The following ZNF704 variants were observed in gnomAD, a reference collection of about 807,000 sequenced individuals.
ZNF704 encodes zinc finger protein 704.
ZNF704 carries 10 observed loss-of-function variants against 44.7 expected under a neutral mutation model. That is an observed-to-expected ratio of 0.22 (90% CI 0.14 to 0.38). The LOEUF (loss-of-function observed/expected upper bound fraction) is 0.38, where lower values mean the gene tolerates loss of function less well. ZNF704 is among the 10% of genes least tolerant of loss of function. The pLI, the probability that ZNF704 is intolerant of heterozygous loss-of-function variation, is 1.00. For synonymous variants in ZNF704, 211 were observed against 207.6 expected (o/e 1.02, Z -0.14); for missense variants, 390 against 545.5 (o/e 0.71, Z 2.84).
intron 2 of ZNF704, among the ~76,000 whole-genome samples, chr8:80,723,076 G>A (rs141443947): frequency 2.8e-4 from 42 of 152,284 alleles, no homozygotes; most frequent in Middle Eastern, 3.4e-3. Flanking sequence ...ACATGCTCTT[G>A]TGAAACCAGT....
chr8:80,741,638 C>T (rs1028496025), intron 2 of ZNF704, among the ~76,000 whole-genome samples: 7 of 152,202 alleles, frequency 4.6e-5, no homozygotes, highest in African/African-American at 1.7e-4. Flanking sequence ...GCCAGTGCTG[C>T]GACTGCGCAC....
chr8:80,798,950 A>G (rs1323911495), intron 2 of ZNF704, among the ~76,000 whole-genome samples: 1 of 152,196 alleles, frequency 6.6e-6, no homozygotes, highest in Admixed American at 6.5e-5. Flanking sequence ...CAGAGTCCCA[A>G]AGTGGCTCAT....
chr8:80,694,004 C>T (rs180908040), intron 2 of ZNF704, among the ~76,000 whole-genome samples: 74 of 152,134 alleles, frequency 4.9e-4, no homozygotes, highest in African/African-American at 1.7e-3. Context: ...GGGACAGTGG[C>T]AGGAGACCCA....
chr8:80,794,782 T>C (rs1807769709), intron 2 of ZNF704, among the ~76,000 whole-genome samples: 1 of 152,160 alleles, frequency 6.6e-6, no homozygotes, highest in Non-Finnish European at 1.5e-5. Flanking sequence ...AAGTGAACCA[T>C]TGATGGTAAA....
At chr8:80,753,321 G>A (rs1207655165) in intron 2 of ZNF704, among the ~76,000 whole-genome samples, 1 of 152,172 alleles carries the variant, frequency 6.6e-6, no homozygotes, top group Non-Finnish European at 1.5e-5. Flanking sequence ...TGCTGGAGGA[G>A]GGCAAGGAAT....
chr8:80,668,771 C>T (rs1409644139), intron 5 of ZNF704, among the ~76,000 whole-genome samples: 1 of 152,184 alleles, frequency 6.6e-6, no homozygotes, highest in Non-Finnish European at 1.5e-5. Context: ...CCTCCTCATC[C>T]CCTCACCAGC....
At chr8:80,743,312 C>CATCACAA (rs1382781423) in intron 2 of ZNF704, among the ~76,000 whole-genome samples, 1 of 150,246 alleles carries the variant, frequency 6.7e-6, no homozygotes, top group Non-Finnish European at 1.5e-5. Flanking sequence ...AGGGGTTATT[C>CATCACAA]ATCACAACAA....
chr8:80,743,588 A>G (rs2131696552), intron 2 of ZNF704, among the ~76,000 whole-genome samples: 1 of 152,314 alleles, frequency 6.6e-6, no homozygotes, highest in Non-Finnish European at 1.5e-5. Context: ...CGCTCGGCAC[A>G]CCCTCCATTC....
intron 2 of ZNF704, among the ~76,000 whole-genome samples, chr8:80,749,055 G>A (rs1028916148): frequency 6.6e-6 from 1 of 152,184 alleles, no homozygotes; most frequent in Non-Finnish European, 1.5e-5. Flanking sequence ...GAGGTGTGAT[G>A]TGAGTTCAGC....
intron 2 of ZNF704, among the ~76,000 whole-genome samples, chr8:80,782,519 T>C (rs1474900229): frequency 1.3e-5 from 2 of 152,154 alleles, no homozygotes; most frequent in African/African-American, 2.4e-5. Context: ...TCCAGATGAA[T>C]ACAAGAGTCC....
chr8:80,667,702 G>GTGAATGAA (rs749582199), intron 5 of ZNF704, among the ~76,000 whole-genome samples: 1 of 152,218 alleles, frequency 6.6e-6, no homozygotes, highest in Non-Finnish European at 1.5e-5. Flanking sequence ...GAATGAATGA[G>GTGAATGAA]TGAATGAATG....
At chr8:80,850,231 T>C (rs960845588) in intron 1 of ZNF704, among the ~76,000 whole-genome samples, 11 of 152,212 alleles carry the variant, frequency 7.2e-5, no homozygotes, top group Non-Finnish European at 1.3e-4. Context: ...CAGAAACTTG[T>C]CTTTTTTTGT....
chr8:80,680,478 G>A (rs543514976), intron 4 of ZNF704, among the ~76,000 whole-genome samples: 1 of 151,960 alleles, frequency 6.6e-6, no homozygotes, highest in South Asian at 2.1e-4. Context: ...GACGGACAGA[G>A]AGGGCCAAGT....
chr8:80,662,091 A>C (rs1218688567), intron 6 of ZNF704, among the ~76,000 whole-genome samples: 1 of 152,174 alleles, frequency 6.6e-6, no homozygotes, highest in Non-Finnish European at 1.5e-5. Context: ...TCAATTTTTA[A>C]AATACTGTTG....
At chr8:80,705,173 T>G (rs1199686152) in intron 2 of ZNF704, among the ~76,000 whole-genome samples, 1 of 152,106 alleles carries the variant, frequency 6.6e-6, no homozygotes, top group African/African-American at 2.4e-5. Flanking sequence ...ACCCCTGAAT[T>G]CTCAAGAGCT....
chr8:80,651,956 T>A (rs1435149894), intron 7 of ZNF704, among the ~76,000 whole-genome samples: 1 of 151,880 alleles, frequency 6.6e-6, no homozygotes, highest in Non-Finnish European at 1.5e-5. Context: ...ACAGAAATTA[T>A]AACAAACTGT....
intron 2 of ZNF704, among the ~76,000 whole-genome samples, chr8:80,757,472 A>G (rs977359937): frequency 3.3e-5 from 5 of 152,136 alleles, no homozygotes; most frequent in African/African-American, 1.2e-4. Context: ...AAAAAACCTT[A>G]AATGTTTATA....
intron 2 of ZNF704, among the ~76,000 whole-genome samples, chr8:80,786,729 G>A (rs764668620): frequency 2.0e-5 from 3 of 152,138 alleles, no homozygotes; most frequent in Non-Finnish European, 4.4e-5. Flanking sequence ...AATCACCAAT[G>A]GCTTGTCCTG....
intron 2 of ZNF704, among the ~76,000 whole-genome samples, chr8:80,760,968 C>T (rs138331652): frequency 9.5e-4 from 144 of 152,236 alleles, no homozygotes; most frequent in Admixed American, 1.6e-3. Context: ...GGAGATGGTG[C>T]TAAACCATTC....
Sources: allele counts gnomAD v4.1 joint callset (sites outside exome capture counted in the v4.1 genomes callset), GRCh38; gene constraint gnomAD v4.1.1; transcripts MANE v1.5; gene names NCBI Gene and HGNC (gene_info 2026-07-23, HGNC 2026-07-21).